ZNF704: variants seen among roughly 807,000 people sequenced by gnomAD.
ZNF704 encodes the protein zinc finger protein 704.
A neutral mutation model predicts 44.7 loss-of-function variants in ZNF704; 10 were observed. The observed-to-expected ratio is 0.22, with a 90% CI of 0.14 to 0.38. The LOEUF (loss-of-function observed/expected upper bound fraction) is 0.38, where lower values mean the gene tolerates loss of function less well. ZNF704 is among the 10% of genes least tolerant of loss of function. The pLI, the probability that ZNF704 is intolerant of heterozygous loss-of-function variation, is 1.00. For synonymous variants in ZNF704, 211 were observed against 207.6 expected (o/e 1.02, Z -0.14); for missense variants, 390 against 545.5 (o/e 0.71, Z 2.84).
At position 80,636,811 on chromosome 8, in the gene ZNF704, T is replaced by C. The variant is rs2131583739; in HGVS notation, c.*4555A>G. The C allele has an allele frequency of 6.6e-6, 1 of 152,340 alleles. No individual in the cohort carries two copies. Among genetic ancestry groups the C allele is most frequent in the East Asian group, 1.9e-4 (1 of 5,192 alleles). The allele number at this position is 152,340 out of a possible 1,614,324, so 9.4% of individuals were successfully genotyped here. A position where few individuals can be genotyped will look rare whatever the true frequency, so the allele number is the denominator to read the frequency against. ...TACAGAAGATGTGGTCGATAGCAAT[T>C]CTACAGGGTCATGAGAAAAAGCAGC... is the stretch of plus-strand genomic sequence containing the variant. On this transcript the variant is annotated 3_prime_UTR_variant, in exon 9 of 9. Transcript: ENST00000327835.
At position 80,828,988 on chromosome 8, in the gene ZNF704, T is replaced by C. The variant is rs551505800; in HGVS notation, c.-21-7373A>G. ...AAAGAAGATTCTCTTCCCATAGTTT[T>C]CCTGTCAGACATATACCCAGCTCCA... On this transcript the variant is annotated intron_variant, in intron 1 of 8. Coordinates refer to ENST00000327835, the MANE Select transcript of ZNF704 (RefSeq NM_001033723.3). Among the ~76,000 whole-genome samples, 29 of 152,310 alleles carry C rather than the reference T, an allele frequency of 1.9e-4. No individual in the cohort carries two copies. In the South Asian group the frequency reaches 5.6e-3, roughly 29 times the overall value.
chr8:80,810,646 C>T (rs1380889728), intron 2 of ZNF704, among the ~76,000 whole-genome samples: 1 of 152,046 alleles, frequency 6.6e-6, no homozygotes, highest in Non-Finnish European at 1.5e-5. Context: ...GGAAATGAAG[C>T]CTGCTTTGTT....
intron 2 of ZNF704, among the ~76,000 whole-genome samples, chr8:80,738,432 G>T (rs1806701022): frequency 6.6e-6 from 1 of 152,046 alleles, no homozygotes; most frequent in Non-Finnish European, 1.5e-5. Flanking sequence ...ATTATTTAAT[G>T]TTTACAACAA....
intron 2 of ZNF704, among the ~76,000 whole-genome samples, chr8:80,708,847 T>G (rs528607833): frequency 1.3e-5 from 2 of 152,180 alleles, no homozygotes; most frequent in African/African-American, 4.8e-5. Context: ...TTTCCTTTTT[T>G]TTTTTGTTTT....
chr8:80,835,364 T>C (rs1039520979), intron 1 of ZNF704, among the ~76,000 whole-genome samples: 2 of 152,166 alleles, frequency 1.3e-5, no homozygotes, highest in Non-Finnish European at 2.9e-5. Context: ...GGTTAAGAAC[T>C]TGTCTTGAAG....
chr8:80,823,231 G>A (rs537089836), intron 1 of ZNF704, among the ~76,000 whole-genome samples: 21 of 152,316 alleles, frequency 1.4e-4, no homozygotes, highest in Admixed American at 3.9e-4. Flanking sequence ...CTAACACTGC[G>A]CTTTTCCAAT....
intron 7 of ZNF704, among the ~76,000 whole-genome samples, chr8:80,655,358 T>C (rs906586562): frequency 1.3e-5 from 2 of 151,810 alleles, no homozygotes; most frequent in Admixed American, 6.6e-5. Flanking sequence ...ACAAAACGTA[T>C]TTGGAAAGTT....
intron 2 of ZNF704, among the ~76,000 whole-genome samples, chr8:80,706,423 A>G (rs1428336912): frequency 1.3e-5 from 2 of 152,288 alleles, no homozygotes; most frequent in Non-Finnish European, 2.9e-5. Context: ...TCTTACCTGA[A>G]ATAGTATCAT....
At chr8:80,865,352 G>C (rs1189775240) in intron 1 of ZNF704, among the ~76,000 whole-genome samples, 4 of 152,176 alleles carry the variant, frequency 2.6e-5, no homozygotes, top group African/African-American at 4.8e-5. Context: ...CAAGTGAGTG[G>C]AGAAGCTAGA....
intron 2 of ZNF704, among the ~76,000 whole-genome samples, chr8:80,800,456 T>G (rs952044570): frequency 6.6e-6 from 1 of 152,034 alleles, no homozygotes; most frequent in Admixed American, 6.6e-5. Flanking sequence ...AGACTAACAG[T>G]GGACCTCTCA....
chr8:80,709,047 C>T (rs1563526690), intron 2 of ZNF704, among the ~76,000 whole-genome samples: 2 of 152,156 alleles, frequency 1.3e-5, no homozygotes, highest in South Asian at 4.2e-4. Flanking sequence ...TGACACATCA[C>T]TAACATTAAC....
At chr8:80,719,812 C>T (rs144489095) in intron 2 of ZNF704, among the ~76,000 whole-genome samples, 1,537 of 152,330 alleles carry the variant, frequency 0.01, 12 homozygotes, top group Non-Finnish European at 0.016. Flanking sequence ...GAAATGAGCA[C>T]ACTCCAGGCT....
Position 80,637,692 on chromosome 8 carries a change from G to C in ZNF704, c.*3674C>G, listed in dbSNP as rs1024674633. 2 of 152,176 alleles carry C rather than the reference G, an allele frequency of 1.3e-5. No homozygotes were observed. Among genetic ancestry groups the C allele is most frequent in the Non-Finnish European group, 2.9e-5 (2 of 68,048 alleles). The allele number at this position is 152,176 out of a possible 1,614,324, so 9.4% of individuals were successfully genotyped here. A position where few individuals can be genotyped will look rare whatever the true frequency, so the allele number is the denominator to read the frequency against. On this transcript the variant is annotated 3_prime_UTR_variant, in exon 9 of 9. Transcript: ENST00000327835. ...TTTCATCTGCAATATGGTTATGTTC[G>C]GGCAGGAATTGTCTAATAAAAGGGC... is the stretch of plus-strand genomic sequence containing the variant.
chr8:80,793,458 T>C (rs550677445), intron 2 of ZNF704, among the ~76,000 whole-genome samples: 2 of 152,244 alleles, frequency 1.3e-5, no homozygotes, highest in East Asian at 3.9e-4. Context: ...TAGATGTAGA[T>C]ATTCATGAAA....
At chr8:80,809,022 T>G (rs545208500) in intron 2 of ZNF704, among the ~76,000 whole-genome samples, 2 of 152,296 alleles carry the variant, frequency 1.3e-5, no homozygotes, top group East Asian at 3.9e-4. Context: ...CTGGGTGCGG[T>G]GCCTGACATC....
intron 7 of ZNF704, among the ~76,000 whole-genome samples, chr8:80,647,889 C>T (rs552663195): frequency 1.8e-4 from 28 of 152,224 alleles, no homozygotes; most frequent in African/African-American, 5.5e-4. Flanking sequence ...TTGTCTTCAG[C>T]GGTTTTGTGC....
intron 2 of ZNF704, among the ~76,000 whole-genome samples, chr8:80,714,668 GAT>G (rs1219207430): frequency 6.6e-6 from 1 of 152,084 alleles, no homozygotes; most frequent in African/African-American, 2.4e-5. Flanking sequence ...CTCAAGAAAA[GAT>G]AGCTCAAAAA....
intron 2 of ZNF704, among the ~76,000 whole-genome samples, chr8:80,774,835 C>T (rs1015332605): frequency 6.6e-6 from 1 of 152,198 alleles, no homozygotes; most frequent in African/African-American, 2.4e-5. Context: ...GAGCAGGCTC[C>T]ATTGGAGCTT....
In ZNF704 at chr8:80,705,965, G is replaced by A. The variant is rs569168376; in HGVS notation, c.222-12858C>T. 2.6e-4 allele frequency among the ~76,000 whole-genome samples: 40 copies of A among 152,278 alleles called. No individual in the cohort carries two copies. The East Asian group carries it at 6.9e-3, about 26-fold the overall frequency. On this transcript the variant is annotated intron_variant, in intron 2 of 8. Coordinates refer to ENST00000327835, the MANE Select transcript of ZNF704 (RefSeq NM_001033723.3). ...AACCAGTCACTCCTGGAGTCCTGGG[G>A]AGCACCTCATCCAGCAGAGCCTGTC...
Sources: allele counts gnomAD v4.1 joint callset (sites outside exome capture counted in the v4.1 genomes callset), GRCh38; gene constraint gnomAD v4.1.1; transcripts MANE v1.5; gene names NCBI Gene and HGNC (gene_info 2026-07-23, HGNC 2026-07-21).